The following OPA3 variants were observed in gnomAD, a reference collection of about 807,000 sequenced individuals.
The protein encoded by OPA3 is outer mitochondrial membrane lipid metabolism regulator OPA3.
In OPA3, 6 loss-of-function variants were observed where a neutral mutation model predicts 4.0. The observed-to-expected ratio is 1.51, with a 90% confidence interval of 0.83 to 2.99. The LOEUF (loss-of-function observed/expected upper bound fraction) is 2.99, where lower values mean the gene tolerates loss of function less well. OPA3 is among the 30% of genes most tolerant of loss of function. The pLI is 0.00. For synonymous variants in OPA3, 105 were observed against 117.1 expected (o/e 0.90, Z 0.67); for missense variants, 235 against 256.2 (o/e 0.92, Z 0.56).
rs1190404668 is a variant in OPA3, at chr19:45,549,123, T to C, written c.*4391A>G. The C allele has an allele frequency of 2.0e-6, 2 of 985,150 alleles. No individual in the cohort carries two copies. Among genetic ancestry groups the C allele is most frequent in the Non-Finnish European group, 2.4e-6 (2 of 829,902 alleles). The allele number at this position is 985,150 out of a possible 1,614,324, so 61.0% of individuals were successfully genotyped here. A position where few individuals can be genotyped will look rare whatever the true frequency, so the allele number is the denominator to read the frequency against. ...CCCAGTCCCAAGGACTTTTTAAATA[T>C]GAAAAAAGAATGCATCAACTTGAAG... On this transcript the variant is annotated 3_prime_UTR_variant, in exon 2 of 2. Coordinates refer to ENST00000263275, the MANE Select transcript of OPA3 (RefSeq NM_025136.4).
intron 1 of OPA3, among the ~76,000 whole-genome samples, chr19:45,578,124 G>C (rs1969795115): frequency 6.6e-6 from 1 of 152,100 alleles, no homozygotes; most frequent in African/African-American, 2.4e-5. Flanking sequence ...ACTAACTTTG[G>C]GAGAAACTTA....
chr19:45,542,393 C>T, downstream of OPA3, among the ~76,000 whole-genome samples: 1 of 152,288 alleles, frequency 6.6e-6, no homozygotes, highest in South Asian at 2.1e-4. Context: ...ACAGAGTGGG[C>T]TTACACGAAC....
rs1274294748 is a variant in OPA3 at position 45,547,425 on chromosome 19, G to A, written c.*6089C>T. On this transcript the variant is annotated 3_prime_UTR_variant, in exon 2 of 2. Transcript: ENST00000263275. ...CAATAAGTCTTTATTTACAAAGACA[G>A]GAAGCAAGGGTCCCCTTGATTTGGC... The A allele has an allele frequency of 6.6e-6, 1 of 152,192 alleles. No individual in the cohort carries two copies. Among genetic ancestry groups the A allele is most frequent in the Non-Finnish European group, 1.5e-5 (1 of 68,026 alleles). The allele number at this position is 152,192 out of a possible 1,614,324, so 9.4% of individuals were successfully genotyped here.
intron 1 of OPA3, among the ~76,000 whole-genome samples, chr19:45,563,986 G>A (rs1264250574): frequency 6.6e-6 from 1 of 151,928 alleles, no homozygotes; most frequent in East Asian, 1.9e-4. Context: ...CACTGTGCCT[G>A]ACCAAAACAG....
At position 45,548,482 on chromosome 19, in the gene OPA3, C is replaced by T. The variant is rs1969283442; in HGVS notation, c.*5032G>A. ...AGGGAGGATTCCGGATTCAGCCCAG[C>T]CCCTGCTTCCTAAACAACTATGGGG... On this transcript the variant is annotated 3_prime_UTR_variant, in exon 2 of 2. Transcript: ENST00000263275. The T allele has an allele frequency of 3.0e-6, 3 of 985,402 alleles. No homozygotes were observed. The highest frequency in any genetic ancestry group is 1.1e-4 in the East Asian group (1 of 8,800). The allele number at this position is 985,402 out of a possible 1,614,324, so 61.0% of individuals were successfully genotyped here.
At chr19:45,573,299 A>C (rs555135586) in intron 1 of OPA3, among the ~76,000 whole-genome samples, 3 of 152,018 alleles carry the variant, frequency 2.0e-5, no homozygotes, top group African/African-American at 7.2e-5. Flanking sequence ...AAAATACAAA[A>C]AATTAGCTGG....
At chr19:45,546,048 G>A (rs1310333395), downstream of OPA3, among the ~76,000 whole-genome samples, 4 of 151,972 alleles carry the variant, frequency 2.6e-5, no homozygotes, top group East Asian at 3.9e-4. Context: ...AAAAAGTAAC[G>A]AAGTTGCCCA....
chr19:45,534,560 C>CAAAA (rs71173177), intron 1 of OPA3, among the ~76,000 whole-genome samples: 370 of 54,620 alleles, frequency 6.8e-3, no homozygotes, highest in African/African-American at 0.02. Flanking sequence ...AACTCTGTCC[C>CAAAA]AAAAAAAAAA....
At chr19:45,568,877 T>C (rs1402407179) in intron 1 of OPA3, among the ~76,000 whole-genome samples, 5 of 152,120 alleles carry the variant, frequency 3.3e-5, no homozygotes, top group Admixed American at 6.6e-5. Context: ...CTCTGTGCCC[T>C]GGGGTCACTA....
At chr19:45,544,514 G>A (rs1221831689), downstream of OPA3, among the ~76,000 whole-genome samples, 1 of 151,648 alleles carries the variant, frequency 6.6e-6, no homozygotes, top group East Asian at 1.9e-4. Flanking sequence ...ACAAAATTCG[G>A]CTGGGCACAG....
chr19:45,548,486 T>C lies in OPA3; in HGVS notation c.*5028A>G, dbSNP rs1969283607. Reference sequence around the variant, plus strand: ...AGGATTCCGGATTCAGCCCAGCCCCTGCTTCCTAAACAACTATGGGGTGGG... The same window carrying C: ...AGGATTCCGGATTCAGCCCAGCCCCCGCTTCCTAAACAACTATGGGGTGGG... On this transcript the variant is annotated 3_prime_UTR_variant, in exon 2 of 2. Coordinates refer to ENST00000263275, the MANE Select transcript of OPA3 (RefSeq NM_025136.4). 1.0e-6 allele frequency: 1 copy of C among 985,408 alleles called. No individual in the cohort carries two copies. The highest frequency in any genetic ancestry group is 1.2e-6 in the Non-Finnish European group (1 of 829,940). The allele number at this position is 985,408 out of a possible 1,614,324, so 61.0% of individuals were successfully genotyped here. A position where few individuals can be genotyped will look rare whatever the true frequency, so the allele number is the denominator to read the frequency against.
intron 1 of OPA3, among the ~76,000 whole-genome samples, chr19:45,533,576 C>T (rs1969083625): frequency 1.3e-5 from 2 of 152,212 alleles, no homozygotes; most frequent in Non-Finnish European, 1.5e-5. Context: ...ACCTTTGAGG[C>T]CGGTACTTAA....
intron 1 of OPA3, among the ~76,000 whole-genome samples, chr19:45,569,407 C>CGA (rs1179039076): frequency 6.6e-6 from 1 of 152,072 alleles, no homozygotes; most frequent in African/African-American, 2.4e-5. Context: ...TGTAGTGAGC[C>CGA]GAGATCGCGC....
intron 1 of OPA3, among the ~76,000 whole-genome samples, chr19:45,578,335 T>G (rs1284477816): frequency 6.6e-6 from 1 of 152,128 alleles, no homozygotes; most frequent in Admixed American, 6.6e-5. Flanking sequence ...TTCTGCAGAC[T>G]CTGCACTTGA....
chr19:45,567,893 T>C (rs1053300733), intron 1 of OPA3, among the ~76,000 whole-genome samples: 1 of 152,212 alleles, frequency 6.6e-6, no homozygotes, highest in Non-Finnish European at 1.5e-5. Context: ...GCTGTTATTA[T>C]CAGTCAATAA....
At chr19:45,554,115 A>C (rs1969386519) in intron 1 of OPA3, among the ~76,000 whole-genome samples, 1 of 152,210 alleles carries the variant, frequency 6.6e-6, no homozygotes. Context: ...CAAGAGGGAC[A>C]CCAGGAGCTT....
chr19:45,568,699 A>G (rs776512976), intron 1 of OPA3, among the ~76,000 whole-genome samples: 3 of 152,056 alleles, frequency 2.0e-5, no homozygotes, highest in South Asian at 2.1e-4. Flanking sequence ...TATCTCCCCA[A>G]CTTTTGGTTC....
At position 45,553,375 on chromosome 19, in the gene OPA3, C is replaced by T; in HGVS notation, c.*139G>A. 1 of 1,566,910 alleles carries T rather than the reference C, an allele frequency of 6.4e-7. No homozygotes were observed. Among genetic ancestry groups the T allele is most frequent in the South Asian group, 1.2e-5 (1 of 86,672 alleles). ...AGTGGCAGGTAACGGCTGCTCTTAT[C>T]AGCAGGGGTAACCAAATGCCAAGTT... On this transcript the variant is annotated 3_prime_UTR_variant, in exon 2 of 2. Transcript: ENST00000263275.
chr19:45,530,524 T>A lies in OPA3; in HGVS notation c.143-1068A>T, dbSNP rs867826280. Among the ~76,000 whole-genome samples, 20 of 152,072 alleles carry A rather than the reference T, an allele frequency of 1.3e-4. 1 individual carries two copies. The highest frequency in any genetic ancestry group is 4.6e-4 in the African/African-American group (19 of 41,398). ...TATTTATGTATGTATGGTTTTTTTT[T>A]ATTGAGACGGGGTCTTGCTCTGTTG... On this transcript the variant is annotated intron_variant, in intron 1 of 1. Transcript: ENST00000323060.
Sources: gnomAD v4.1 joint callset for allele counts (sites outside exome capture counted in the v4.1 genomes callset) on GRCh38, gnomAD v4.1.1 for gene constraint, MANE v1.5 for transcripts, NCBI Gene and HGNC (gene_info 2026-07-23, HGNC 2026-07-21) for gene names.